The following ANTXR1 variants were observed in gnomAD, a reference collection of about 807,000 sequenced individuals.
The protein encoded by ANTXR1 is anthrax toxin receptor 1.
Under a neutral mutation model 78.1 loss-of-function variants are expected in ANTXR1, and 19 were observed. The ratio of observed to expected loss-of-function variants is 0.24; its 90% CI spans 0.17 to 0.36. The LOEUF (loss-of-function observed/expected upper bound fraction) is 0.36. Ranked by LOEUF, ANTXR1 falls within the 10% of genes least tolerant of loss-of-function variation. The probability of loss-of-function intolerance (pLI) is 1.00; values close to 1 mark genes in which losing one functional copy is unlikely to be tolerated. For synonymous variants in ANTXR1, 273 were observed against 260.5 expected, an observed-to-expected ratio of 1.05 and a Z score of -0.46; for missense variants, 518 against 718.6, an observed-to-expected ratio of 0.72 and a Z score of 3.19.
intron 3 of ANTXR1, among the ~76,000 whole-genome samples, chr2:69,058,551 T>C (rs921749099): frequency 6.6e-6 from 1 of 152,170 alleles, no homozygotes; most frequent in Admixed American, 6.5e-5. Context: ...AAAATCATTC[T>C]TTTCAAAATA....
At chr2:69,094,199 G>A (rs967780015) in intron 9 of ANTXR1, among the ~76,000 whole-genome samples, 2 of 152,174 alleles carry the variant, frequency 1.3e-5, no homozygotes, top group Non-Finnish European at 2.9e-5. Context: ...AAAGATATAA[G>A]TATTTACGTG....
intron 10 of ANTXR1, among the ~76,000 whole-genome samples, chr2:69,118,831 C>T (rs1207984351): frequency 3.9e-5 from 6 of 152,098 alleles, no homozygotes; most frequent in African/African-American, 1.4e-4. Flanking sequence ...AACCAAATGG[C>T]CCTCCTTTGT....
Position 69,097,580 on chromosome 2 carries a change from C to G in ANTXR1, c.704-5262C>G, listed in dbSNP as rs1237444428. On this transcript the variant is annotated intron_variant, in intron 9 of 17. Coordinates refer to ENST00000303714, the MANE Select transcript of ANTXR1 (RefSeq NM_032208.3). Reference sequence around the variant, plus strand: ...TCTAAATGGATTGCTTCATTCTCTGCTCAATCTTTCCTTTCATTTAAAGAC... The same window carrying G: ...TCTAAATGGATTGCTTCATTCTCTGGTCAATCTTTCCTTTCATTTAAAGAC... 7.2e-5 allele frequency among the ~76,000 whole-genome samples: 11 copies of G among 152,358 alleles called. 1 individual carries two copies. The highest frequency in any genetic ancestry group is 3.4e-3 in the Middle Eastern group (1 of 294).
At chr2:69,016,324 G>A (rs1442385760) in intron 1 of ANTXR1, among the ~76,000 whole-genome samples, 2 of 152,078 alleles carry the variant, frequency 1.3e-5, no homozygotes, top group Non-Finnish European at 2.9e-5. Context: ...AGATAATTTG[G>A]CGACACATAT....
chr2:69,187,581 A>ATTTTTTTTT (rs1401243331), intron 16 of ANTXR1, among the ~76,000 whole-genome samples: 1 of 97,040 alleles, frequency 1.0e-5, no homozygotes, highest in African/African-American at 5.1e-5. Flanking sequence ...TTTATCATGT[A>ATTTTTTTTT]TTTCTTTTTT....
intron 3 of ANTXR1, among the ~76,000 whole-genome samples, chr2:69,067,071 A>G (rs564582893): frequency 6.6e-6 from 1 of 152,322 alleles, no homozygotes; most frequent in East Asian, 1.9e-4. Flanking sequence ...CAGAACTAAA[A>G]CACACCCACA....
At chr2:69,053,295 T>C (rs140819337) in intron 3 of ANTXR1, among the ~76,000 whole-genome samples, 2 of 152,272 alleles carry the variant, frequency 1.3e-5, no homozygotes, top group East Asian at 3.9e-4. Flanking sequence ...CATTTATATG[T>C]AGCATAATTT....
intron 1 of ANTXR1, among the ~76,000 whole-genome samples, chr2:69,028,975 G>A (rs890371778): frequency 6.6e-6 from 1 of 152,062 alleles, no homozygotes; most frequent in Non-Finnish European, 1.5e-5. Flanking sequence ...CCAGCACTTT[G>A]GAAGGCCAAG....
intron 2 of ANTXR1, among the ~76,000 whole-genome samples, chr2:69,043,071 G>A (rs935267660): frequency 3.8e-4 from 58 of 152,220 alleles, no homozygotes; most frequent in African/African-American, 1.4e-3. Context: ...TTGCCTCTTG[G>A]AGACCTTTAT....
intron 14 of ANTXR1, among the ~76,000 whole-genome samples, chr2:69,178,614 C>T (rs1018019963): frequency 6.6e-6 from 1 of 152,092 alleles, no homozygotes; most frequent in Non-Finnish European, 1.5e-5. Flanking sequence ...GAACTGCCCC[C>T]GTGTGCAAGT....
chr2:69,057,667 A>G (rs909367567), intron 3 of ANTXR1, among the ~76,000 whole-genome samples: 2 of 152,110 alleles, frequency 1.3e-5, no homozygotes, highest in African/African-American at 2.4e-5. Flanking sequence ...ACACAACAAT[A>G]TTGAAATTAG....
intron 7 of ANTXR1, chr2:69,077,133 C>T (rs1670757365): frequency 3.8e-6 from 2 of 523,562 alleles, no homozygotes; most frequent in Non-Finnish European, 6.9e-6. Flanking sequence ...GCCAAGCGTT[C>T]ATCAAGCTGG....
chr2:69,046,447 C>G (rs2104098235), intron 3 of ANTXR1, among the ~76,000 whole-genome samples: 1 of 152,316 alleles, frequency 6.6e-6, no homozygotes, highest in Middle Eastern at 3.4e-3. Flanking sequence ...AACGTCACTA[C>G]TGCTAGTTTC....
intron 13 of ANTXR1, among the ~76,000 whole-genome samples, chr2:69,152,479 G>T (rs1277869848): frequency 6.6e-6 from 1 of 152,178 alleles, no homozygotes; most frequent in African/African-American, 2.4e-5. Context: ...ATTGCCAATG[G>T]CCGTGCCCCT....
Position 69,185,816 on chromosome 2 carries a change from AGATGGAAATGACCTAG to A in ANTXR1, c.1353+3161_1353+3176del, listed in dbSNP as rs561285543. Among the ~76,000 whole-genome samples, 5 of 152,322 alleles carry A rather than the reference AGATGGAAATGACCTAG, an allele frequency of 3.3e-5. No individual in the cohort carries two copies. The East Asian group carries it at 9.7e-4, about 29-fold the overall frequency. On this transcript the variant is annotated intron_variant, in intron 16 of 17. Transcript: ENST00000303714. The stretch of plus-strand genomic sequence containing the variant: ...TGTCTTAGGAGTCAACTAAAAGGCC[AGATGGAAATGACCTAG>A]GATGCCGGTGGACTTGAAGAGCTCC...
At chr2:69,097,038 C>G (rs1481430740) in intron 9 of ANTXR1, among the ~76,000 whole-genome samples, 1 of 152,206 alleles carries the variant, frequency 6.6e-6, no homozygotes, top group Non-Finnish European at 1.5e-5. Context: ...AATATAGACT[C>G]TTTTTTAAAG....
rs751453582 is a variant in ANTXR1, at chr2:69,103,027, A to T, written c.802+87A>T. 7 of 1,283,668 alleles carry T rather than the reference A, an allele frequency of 5.5e-6. No homozygotes were observed. In the Admixed American group the frequency reaches 1.2e-4, roughly 22 times the overall value. 79.5% of individuals were successfully genotyped at this position (1,283,668 alleles called of 1,614,324 possible). On this transcript the variant is annotated intron_variant, in intron 10 of 17. Coordinates refer to ENST00000303714, the MANE Select transcript of ANTXR1 (RefSeq NM_032208.3). ...CCCTTGTCTTCCAGCAAGGCCACAC[A>T]CATGAAACCAGCAGAAAAGAGTCTT...
chr2:69,068,980 G>C (rs1426389819), intron 3 of ANTXR1, among the ~76,000 whole-genome samples: 1 of 152,182 alleles, frequency 6.6e-6, no homozygotes, highest in Non-Finnish European at 1.5e-5. Flanking sequence ...TCTGACTTGG[G>C]CGGCTGGGCA....
At chr2:69,092,058 C>T (rs933514661) in intron 9 of ANTXR1, among the ~76,000 whole-genome samples, 1 of 152,106 alleles carries the variant, frequency 6.6e-6, no homozygotes, top group East Asian at 1.9e-4. Flanking sequence ...AGTTCCTGTC[C>T]CCCAGAAACT....
Sources: gnomAD v4.1 joint callset for allele counts (sites outside exome capture counted in the v4.1 genomes callset) on GRCh38, gnomAD v4.1.1 for gene constraint, MANE v1.5 for transcripts, NCBI Gene and HGNC (gene_info 2026-07-23, HGNC 2026-07-21) for gene names.